Variants in RUNX2 observed in about 807,000 individuals in gnomAD.
The protein encoded by RUNX2 is runt-related transcription factor 2.
A neutral mutation model predicts 51.7 loss-of-function variants in RUNX2; 10 were observed. The ratio of observed to expected loss-of-function variants is 0.19; its 90% CI spans 0.12 to 0.33. The LOEUF is 0.33. RUNX2 is among the 10% of genes least tolerant of loss of function. RUNX2 has a pLI of 1.00. For synonymous variants in RUNX2, 276 were observed against 273.6 expected (o/e 1.01, Z -0.09); for missense variants, 562 against 691.3 (o/e 0.81, Z 2.10).
intron 2 of RUNX2, among the ~76,000 whole-genome samples, chr6:45,335,409 G>A (rs1478548179): frequency 1.3e-5 from 2 of 151,084 alleles, no homozygotes; most frequent in Admixed American, 6.6e-5. Context: ...TCACTATAAC[G>A]ATCCTAGAAA....
At chr6:45,414,337 T>C (rs552437910) in intron 2 of RUNX2, among the ~76,000 whole-genome samples, 2 of 152,224 alleles carry the variant, frequency 1.3e-5, no homozygotes, top group Non-Finnish European at 2.9e-5. Flanking sequence ...TATATTACAA[T>C]ATTCCCTTCT....
intron 2 of RUNX2, among the ~76,000 whole-genome samples, chr6:45,394,314 A>T (rs1396773168): frequency 6.6e-6 from 1 of 151,928 alleles, no homozygotes; most frequent in Non-Finnish European, 1.5e-5. Flanking sequence ...TGACCCAAAC[A>T]CTTTCCACCA....
Position 45,395,909 on chromosome 6 carries a change from A to G in RUNX2, c.59-26684A>G, listed in dbSNP as rs573937903. 1.4e-3 allele frequency among the ~76,000 whole-genome samples: 217 copies of G among 152,282 alleles called. 1 individual carries two copies. The highest frequency in any genetic ancestry group is 3.4e-3 in the Middle Eastern group (1 of 294). On this transcript the variant is annotated intron_variant, in intron 2 of 8. Transcript: ENST00000647337. ...TCAAACTCCTGGCCTCAAGTGATCC[A>G]CTGGCCTCGGCCTCCCAAAGTGCTG...
At chr6:45,464,349 T>A (rs2150388799) in intron 5 of RUNX2, among the ~76,000 whole-genome samples, 1 of 152,170 alleles carries the variant, frequency 6.6e-6, no homozygotes, top group East Asian at 1.9e-4. Context: ...AGTTTTCAAA[T>A]GAATAAGTGA....
chr6:45,364,104 G>C (rs1319546980), intron 2 of RUNX2, among the ~76,000 whole-genome samples: 1 of 130,198 alleles, frequency 7.7e-6, no homozygotes, highest in Non-Finnish European at 1.6e-5. Context: ...AACAGAGTGA[G>C]ACTCTGTCTC....
At chr6:45,439,098 C>G (rs932921089) in intron 5 of RUNX2, among the ~76,000 whole-genome samples, 3 of 152,160 alleles carry the variant, frequency 2.0e-5, no homozygotes, top group Non-Finnish European at 4.4e-5. Flanking sequence ...AAGCAGCATA[C>G]CTTCCTAGCA....
intron 3 of RUNX2, among the ~76,000 whole-genome samples, chr6:45,429,313 C>T (rs2677102): frequency 0.45 from 68,692 of 152,004 alleles, 15,750 homozygotes; most frequent in South Asian, 0.61. Flanking sequence ...TAGAAAGCCA[C>T]GCAGCAGGTG....
At chr6:45,533,615 C>T (rs1801931820) in intron 7 of RUNX2, among the ~76,000 whole-genome samples, 1 of 152,156 alleles carries the variant, frequency 6.6e-6, no homozygotes, top group African/African-American at 2.4e-5. Context: ...TACAACACTA[C>T]ATTTGGATTC....
chr6:45,516,034 T>C lies in RUNX2; in HGVS notation c.1021+3627T>C, dbSNP rs35884175. 1.6e-3 allele frequency among the ~76,000 whole-genome samples: 238 copies of C among 152,322 alleles called. 1 individual carries two copies. The highest frequency in any genetic ancestry group is 2.6e-3 in the Non-Finnish European group (180 of 68,020). On this transcript the variant is annotated intron_variant, in intron 7 of 8. Coordinates refer to ENST00000647337, the MANE Select transcript of RUNX2 (RefSeq NM_001024630.4). ...CCAATATTTCACCTTTCTTTATTAGTATCCTTTCTTCTGAGTAATTTTCAA... is the reference window on the plus strand; with the variant it reads ...CCAATATTTCACCTTTCTTTATTAGCATCCTTTCTTCTGAGTAATTTTCAA...
At chr6:45,427,058 C>A (rs1239106669) in intron 3 of RUNX2, among the ~76,000 whole-genome samples, 1 of 152,048 alleles carries the variant, frequency 6.6e-6, no homozygotes, top group Non-Finnish European at 1.5e-5. Flanking sequence ...TGTGTGAAGA[C>A]AGACACATTT....
At chr6:45,492,430 C>T (rs755769572) in intron 6 of RUNX2, among the ~76,000 whole-genome samples, 7 of 152,074 alleles carry the variant, frequency 4.6e-5, no homozygotes, top group Non-Finnish European at 1.0e-4. Flanking sequence ...CCAGGTGGTG[C>T]AGGGGATAAC....
At chr6:45,532,162 A>ATT (rs3055521) in intron 7 of RUNX2, among the ~76,000 whole-genome samples, 7,306 of 85,042 alleles carry the variant, frequency 0.086, 613 homozygotes, top group Non-Finnish European at 0.11. Context: ...GAAAACCTAG[A>ATT]TTTTTTTTTT....
chr6:45,360,986 T>C (rs1794150542), intron 2 of RUNX2, among the ~76,000 whole-genome samples: 1 of 152,140 alleles, frequency 6.6e-6, no homozygotes, highest in African/African-American at 2.4e-5. Context: ...CAGTGAATGA[T>C]TTTTAGCTGG....
chr6:45,510,410 G>T (rs1007926903), intron 6 of RUNX2, among the ~76,000 whole-genome samples: 4 of 152,048 alleles, frequency 2.6e-5, no homozygotes, highest in African/African-American at 4.8e-5. Flanking sequence ...TAATTATTTT[G>T]ACTCAAGGAA....
At chr6:45,539,692 T>C (rs1208355721) in intron 7 of RUNX2, among the ~76,000 whole-genome samples, 4 of 152,184 alleles carry the variant, frequency 2.6e-5, no homozygotes, top group African/African-American at 9.7e-5. Flanking sequence ...ATCCATAGCA[T>C]TTCTACCTCT....
chr6:45,491,322 T>C (rs1462132775), intron 5 of RUNX2, among the ~76,000 whole-genome samples: 1 of 152,220 alleles, frequency 6.6e-6, no homozygotes, highest in Non-Finnish European at 1.5e-5. Flanking sequence ...TCACAAAATA[T>C]CCAGATTCCT....
chr6:45,504,916 G>A (rs1800914749), intron 6 of RUNX2, among the ~76,000 whole-genome samples: 1 of 152,134 alleles, frequency 6.6e-6, no homozygotes, highest in African/African-American at 2.4e-5. Flanking sequence ...ATAAGGGGTG[G>A]GATTGTGGGG....
At chr6:45,402,728 C>T (rs1026216621) in intron 2 of RUNX2, among the ~76,000 whole-genome samples, 2 of 151,946 alleles carry the variant, frequency 1.3e-5, no homozygotes, top group African/African-American at 2.4e-5. Flanking sequence ...AAAAATTAGC[C>T]GGGCATGGTG....
intron 5 of RUNX2, among the ~76,000 whole-genome samples, chr6:45,486,649 C>A (rs536621418): frequency 1.3e-5 from 2 of 152,272 alleles, no homozygotes; most frequent in Admixed American, 1.3e-4. Context: ...GCACACTCTT[C>A]ATGAAAAGTG....
Sources: allele counts gnomAD v4.1 joint callset (sites outside exome capture counted in the v4.1 genomes callset), GRCh38; gene constraint gnomAD v4.1.1; transcripts MANE v1.5; gene names NCBI Gene and HGNC (gene_info 2026-07-23, HGNC 2026-07-21).